SUPT20H: variants seen among roughly 807,000 people sequenced by gnomAD.
SUPT20H encodes transcription factor SPT20 homolog.
In SUPT20H, 82 loss-of-function variants were observed where a neutral mutation model predicts 122.8. The observed-to-expected ratio is 0.67, with a 90% CI of 0.56 to 0.80. The LOEUF (loss-of-function observed/expected upper bound fraction) is 0.80. Among genes scored for constraint, SUPT20H ranks in the 30% least tolerant of loss-of-function variants. SUPT20H has a pLI of 0.00. For synonymous variants in SUPT20H, 291 were observed against 313.0 expected, an observed-to-expected ratio of 0.93 and a Z score of 0.74; for missense variants, 831 against 921.6, an observed-to-expected ratio of 0.90 and a Z score of 1.27.
intron 7 of SUPT20H, among the ~76,000 whole-genome samples, chr13:37,042,862 C>T (rs897062780): frequency 6.6e-6 from 1 of 152,092 alleles, no homozygotes; most frequent in Non-Finnish European, 1.5e-5. Context: ...AAATTTGAGA[C>T]ATACAGGTTA....
chr13:37,049,267 C>T (rs1315671647), intron 2 of SUPT20H, among the ~76,000 whole-genome samples: 1 of 152,088 alleles, frequency 6.6e-6, no homozygotes, highest in African/African-American at 2.4e-5. Flanking sequence ...AGAAAATGAA[C>T]CTCAGAATTG....
At chr13:37,029,727 G>T (rs1179445719) in intron 13 of SUPT20H, 38 bp downstream of exon 13, 2 of 1,557,140 alleles carry the variant, frequency 1.3e-6, no homozygotes, top group Admixed American at 3.6e-5. Context: ...GATTAGAAAT[G>T]GCATAATTAG....
chr13:37,028,713 A>C (rs1264749256), intron 13 of SUPT20H, among the ~76,000 whole-genome samples: 1 of 151,940 alleles, frequency 6.6e-6, no homozygotes, highest in African/African-American at 2.4e-5. Flanking sequence ...TCCGTATTAG[A>C]AGTCAGGGAA....
At chr13:37,024,488 T>G in intron 17 of SUPT20H, 46 bp from the exon 18 acceptor site, 1 of 1,230,120 alleles carries the variant, frequency 8.1e-7, no homozygotes, top group Non-Finnish European at 1.1e-6. Context: ...TTAATACTGC[T>G]ATAAACCCCA....
chr13:37,041,585 C>T (rs138353901), intron 7 of SUPT20H, among the ~76,000 whole-genome samples: 1,665 of 151,964 alleles, frequency 0.011, 23 homozygotes, highest in African/African-American at 0.038. Flanking sequence ...CTATTATCAT[C>T]GAAGTCTTGC....
intron 15 of SUPT20H, among the ~76,000 whole-genome samples, chr13:37,026,535 A>G (rs2062314969): frequency 1.3e-5 from 2 of 152,126 alleles, no homozygotes; most frequent in Non-Finnish European, 2.9e-5. Flanking sequence ...CAAGTGCTAT[A>G]TACCCTTACA....
At position 37,028,291 on chromosome 13, in the gene SUPT20H, A is replaced by C. The variant is rs1476374201; in HGVS notation, c.1008T>G (p.Asp336Glu). The change falls in exon 14 of 26, where the codon GAT becomes GAG. Residue 336 changes from aspartate (D) to glutamate (E), a missense_variant. By Grantham distance (45) the Asp-to-Glu change is conservative. Transcript: ENST00000350612. ...TACCAGCTTCACATTCAAATACATA[A>C]TCATCTTTTACATCCTGAAAAATGC... ...TVWPAHDVKD[D>E]YVFECEAGTQ... 6.2e-7 allele frequency: 1 copy of C among 1,608,444 alleles called. No individual in the cohort carries two copies. The highest frequency in any genetic ancestry group is 1.3e-5 in the African/African-American group (1 of 74,712).
intron 1 of SUPT20H, among the ~76,000 whole-genome samples, chr13:37,054,984 C>G (rs1410040735): frequency 2.6e-5 from 4 of 151,982 alleles, no homozygotes; most frequent in East Asian, 1.9e-4. Context: ...CAGACAAACA[C>G]AGAGCCAAAT....
In SUPT20H at chr13:37,056,293, T is replaced by C. The variant is rs369041366; in HGVS notation, c.-94+3266A>G. ...TATACCCAAAGGATTATAAAACATG[T>C]TGCTATAAAGACACATGCACACGTA... On this transcript the variant is annotated intron_variant, in intron 1 of 25. Coordinates refer to ENST00000350612, the MANE Select transcript of SUPT20H (RefSeq NM_001014286.3). 1.4e-3 allele frequency among the ~76,000 whole-genome samples: 211 copies of C among 152,266 alleles called. No individual in the cohort carries two copies. The East Asian group carries it at 0.037, about 27-fold the overall frequency.
rs1384625065 is a variant in SUPT20H at position 37,009,450 on chromosome 13, G to C, written c.*222C>G. On this transcript the variant is annotated 3_prime_UTR_variant, in exon 26 of 26. Transcript: ENST00000350612. ...CACTTCCATATATATTATGTATAGTGAAACCATTTTTAAAAAGCAATGACT... is the reference window on the plus strand; with the variant it reads ...CACTTCCATATATATTATGTATAGTCAAACCATTTTTAAAAAGCAATGACT... The C allele has an allele frequency of 1.4e-6, 1 of 738,856 alleles. No homozygotes were observed. Among genetic ancestry groups the C allele is most frequent in the Non-Finnish European group, 2.2e-6 (1 of 450,352 alleles). The allele number at this position is 738,856 out of a possible 1,614,324, so 45.8% of individuals were successfully genotyped here. A position where few individuals can be genotyped will look rare whatever the true frequency, so the allele number is the denominator to read the frequency against.
At chr13:37,030,892 T>G (rs1009856728) in intron 12 of SUPT20H, among the ~76,000 whole-genome samples, 13 of 152,180 alleles carry the variant, frequency 8.5e-5, no homozygotes, top group African/African-American at 3.1e-4. Context: ...TTGCGTAATT[T>G]CTTTTTTTTA....
intron 7 of SUPT20H, among the ~76,000 whole-genome samples, chr13:37,043,439 C>T (rs2065858185): frequency 6.6e-6 from 1 of 152,176 alleles, no homozygotes; most frequent in Non-Finnish European, 1.5e-5. Context: ...AGGCCAGTTT[C>T]TGGCCCCCAA....
rs769931522 is a variant in SUPT20H at position 37,044,192 on chromosome 13, AAC to A, written c.293-13_293-12del. ...GAATGGTCTCGGAATCTTAATTTAA[AAC>A]ATGAAGTTTGAAAATGATCATGCTC... is the stretch of plus-strand genomic sequence containing the variant. On this transcript the variant is annotated splice_polypyrimidine_tract_variant and intron_variant, in intron 6 of 25. Transcript: ENST00000350612. 1 of 1,591,570 alleles carries A rather than the reference AAC, an allele frequency of 6.3e-7. No individual in the cohort carries two copies. Among genetic ancestry groups the A allele is most frequent in the African/African-American group, 1.3e-5 (1 of 74,132 alleles).
chr13:37,022,282 T>G lies in SUPT20H; in HGVS notation c.1592-202A>C. 6.7e-7 allele frequency: 1 copy of G among 1,493,490 alleles called. No individual in the cohort carries two copies. The highest frequency in any genetic ancestry group is 8.9e-7 in the Non-Finnish European group (1 of 1,118,662). The allele number at this position is 1,493,490 out of a possible 1,614,324, so 92.5% of individuals were successfully genotyped here. A position where few individuals can be genotyped will look rare whatever the true frequency, so the allele number is the denominator to read the frequency against. ...GGAGGGTGTGGGGTCGATGAAGGGG[T>G]TGGTGTAGGAGTAGATGGCTTAGGA... On this transcript the variant is annotated intron_variant, in intron 19 of 25. Transcript: ENST00000350612. This position sits in a 1 kb window ranked among gnomAD's most constrained non-coding sequence, Gnocchi z 4.5.
intron 14 of SUPT20H, among the ~76,000 whole-genome samples, chr13:37,027,162 G>C (rs1477333576): frequency 6.6e-6 from 1 of 151,760 alleles, no homozygotes; most frequent in East Asian, 1.9e-4. Context: ...TGGGTGATGG[G>C]ATCAGCAGAC....
chr13:37,032,954 T>C (rs1010664501), intron 10 of SUPT20H, among the ~76,000 whole-genome samples: 8 of 152,118 alleles, frequency 5.3e-5, no homozygotes, highest in African/African-American at 1.9e-4. Flanking sequence ...TTCCTTAAAG[T>C]AGGATTAACA....
intron 25 of SUPT20H, 50 bp downstream of exon 25, chr13:37,010,502 T>C (rs754274768): frequency 4.0e-6 from 6 of 1,507,524 alleles, no homozygotes; most frequent in Admixed American, 3.4e-5. Flanking sequence ...GAGGTACTTT[T>C]GGAGCTGAGT....
At chr13:37,040,493 C>T in intron 8 of SUPT20H, 35 bp from the exon 9 acceptor site, 1 of 1,572,204 alleles carries the variant, frequency 6.4e-7, no homozygotes, top group Non-Finnish European at 8.6e-7. Flanking sequence ...ACTTATTAAT[C>T]TATGCACAAA....
At chr13:37,029,670 C>T (rs532267322) in intron 13 of SUPT20H, 95 bp downstream of exon 13, 1 of 1,037,188 alleles carries the variant, frequency 9.6e-7, no homozygotes, top group African/African-American at 1.7e-5. Context: ...AAAAAAGGTC[C>T]CAAACTAATG....
Sources: allele counts gnomAD v4.1 joint callset (sites outside exome capture counted in the v4.1 genomes callset), GRCh38; gene constraint gnomAD v4.1.1; non-coding constraint Gnocchi (gnomAD v3.1); transcripts MANE v1.5; gene names NCBI Gene and HGNC (gene_info 2026-07-23, HGNC 2026-07-21).